Variants in KLF12 observed in about 807,000 individuals in gnomAD.
KLF12 encodes the protein KLF transcription factor 12, also known as Krueppel-like factor 12.
KLF12 carries 9 observed loss-of-function variants against 37.8 expected under a neutral mutation model. The observed-to-expected ratio is 0.24, with a 90% CI of 0.14 to 0.42. KLF12 has a LOEUF of 0.42. KLF12 is among the 10% of genes least tolerant of loss of function. The pLI, the probability that KLF12 is intolerant of heterozygous loss-of-function variation, is 1.00. For missense variants in KLF12, 411 were observed against 516.0 expected, an observed-to-expected ratio of 0.80 and a Z score of 1.97; for synonymous variants, 208 against 202.1, an observed-to-expected ratio of 1.03 and a Z score of -0.25.
chr13:73,694,221 G>T lies in KLF12; in HGVS notation c.*1269C>A, dbSNP rs974916416. ...TCCAAGGAGAACTGACCCATTAACCGAAGAGTTAATTCCCGGCTATGCCTC... is the reference window on the plus strand; with the variant it reads ...TCCAAGGAGAACTGACCCATTAACCTAAGAGTTAATTCCCGGCTATGCCTC... On this transcript the variant is annotated 3_prime_UTR_variant, in exon 8 of 8. Transcript: ENST00000377669. 1 of 152,502 alleles carries T rather than the reference G, an allele frequency of 6.6e-6. No homozygotes were observed. The highest frequency in any genetic ancestry group is 1.5e-5 in the Non-Finnish European group (1 of 68,028). 9.4% of individuals were successfully genotyped at this position (152,502 alleles called of 1,614,324 possible).
chr13:73,939,576 T>C (rs969887637), intron 3 of KLF12, among the ~76,000 whole-genome samples: 14 of 152,312 alleles, frequency 9.2e-5, no homozygotes, highest in Middle Eastern at 3.4e-3. Context: ...AACATAGATG[T>C]TGAAATCTCT....
Position 73,725,457 on chromosome 13 carries a change from T to G in KLF12, c.870-9932A>C, listed in dbSNP as rs186059598. Reference sequence around the variant, plus strand: ...TTTTCTGAACTAAGGAAACTTATAATGATAAACAAGAAAACAAAAACAAAA... The same window carrying G: ...TTTTCTGAACTAAGGAAACTTATAAGGATAAACAAGAAAACAAAAACAAAA... On this transcript the variant is annotated intron_variant, in intron 6 of 7. Coordinates refer to ENST00000377669, the MANE Select transcript of KLF12 (RefSeq NM_007249.5). Among the ~76,000 whole-genome samples the G allele has an allele frequency of 2.6e-5, 4 of 152,242 alleles. No individual in the cohort carries two copies. In the East Asian group the frequency reaches 7.7e-4, roughly 29 times the overall value.
chr13:74,087,514 G>T (rs887550440), intron 1 of KLF12, among the ~76,000 whole-genome samples: 1 of 152,094 alleles, frequency 6.6e-6, no homozygotes, highest in Admixed American at 6.5e-5. Context: ...AACGTCTGCT[G>T]AATACCTCTC....
chr13:74,055,889 T>G (rs1419793922), intron 1 of KLF12, among the ~76,000 whole-genome samples: 1 of 152,048 alleles, frequency 6.6e-6, no homozygotes, highest in Non-Finnish European at 1.5e-5. Flanking sequence ...GATAATGATA[T>G]CAAAACAACC....
At chr13:73,999,752 A>C (rs1892223644) in intron 1 of KLF12, among the ~76,000 whole-genome samples, 1 of 151,942 alleles carries the variant, frequency 6.6e-6, no homozygotes, top group African/African-American at 2.4e-5. Context: ...AAAAACAAAA[A>C]CAAAAACAAA....
chr13:74,178,327 GT>G, the KLF12 span, among the ~76,000 whole-genome samples: 1 of 150,464 alleles, frequency 6.6e-6, no homozygotes, highest in African/African-American at 2.5e-5. Context: ...CAAGGTTTTT[GT>G]TTGTTTGTTT....
chr13:74,076,845 GT>G (rs1373621955), intron 1 of KLF12, among the ~76,000 whole-genome samples: 7 of 151,976 alleles, frequency 4.6e-5, no homozygotes, highest in Admixed American at 1.3e-4. Flanking sequence ...CCTTCTTTGT[GT>G]TCATGTGTTT....
At chr13:74,260,669 G>A in the KLF12 span, among the ~76,000 whole-genome samples, 1 of 150,488 alleles carries the variant, frequency 6.6e-6, no homozygotes, top group Non-Finnish European at 1.5e-5. Flanking sequence ...AATAAAATTG[G>A]GCTTCAAATG....
At chr13:74,252,228 C>T in the KLF12 span, among the ~76,000 whole-genome samples, 1,550 of 152,280 alleles carry the variant, frequency 0.01, 29 homozygotes, top group African/African-American at 0.034. Context: ...CTGGTTGCTG[C>T]GCTTCACCTT....
intron 4 of KLF12, among the ~76,000 whole-genome samples, chr13:73,833,257 C>T (rs1298985998): frequency 6.6e-6 from 1 of 152,214 alleles, no homozygotes. Flanking sequence ...AATTTTCATA[C>T]AGCAATATCT....
intron 6 of KLF12, among the ~76,000 whole-genome samples, chr13:73,718,123 T>A (rs1374374124): frequency 6.6e-6 from 1 of 152,228 alleles, no homozygotes; most frequent in Non-Finnish European, 1.5e-5. Flanking sequence ...GAAGTCTAAA[T>A]GTAACTATGC....
chr13:73,794,926 T>C (rs1016600200), intron 5 of KLF12, among the ~76,000 whole-genome samples: 1 of 152,210 alleles, frequency 6.6e-6, no homozygotes, highest in African/African-American at 2.4e-5. Flanking sequence ...CCACATGGGA[T>C]ATCTGACCCT....
At chr13:73,934,411 C>A (rs1448394766) in intron 3 of KLF12, among the ~76,000 whole-genome samples, 5 of 152,152 alleles carry the variant, frequency 3.3e-5, no homozygotes, top group Non-Finnish European at 7.3e-5. Context: ...CTCCACCATG[C>A]ATTGTTATAT....
At chr13:73,884,006 GC>G (rs1422776200) in intron 3 of KLF12, among the ~76,000 whole-genome samples, 2 of 152,094 alleles carry the variant, frequency 1.3e-5, no homozygotes, top group East Asian at 3.9e-4. Flanking sequence ...CGAATTTAAC[GC>G]AGTTGGGAAA....
At chr13:73,958,475 TA>T (rs1245129420) in intron 2 of KLF12, among the ~76,000 whole-genome samples, 1 of 152,084 alleles carries the variant, frequency 6.6e-6, no homozygotes, top group Non-Finnish European at 1.5e-5. Flanking sequence ...ACTCCTGACA[TA>T]AGGTGATCTG....
At chr13:73,725,855 ATTTATT>A (rs1876623123) in intron 6 of KLF12, among the ~76,000 whole-genome samples, 1 of 149,674 alleles carries the variant, frequency 6.7e-6, no homozygotes, top group Admixed American at 6.7e-5. Context: ...TTATTTATTT[ATTTATT>A]TATTTATTTA....
intron 1 of KLF12, among the ~76,000 whole-genome samples, chr13:74,025,408 G>A (rs1593839282): frequency 6.6e-6 from 1 of 152,002 alleles, no homozygotes. Context: ...AAGGGAAGAA[G>A]TCTCTGTTGC....
intron 1 of KLF12, among the ~76,000 whole-genome samples, chr13:74,028,150 G>A (rs1364771699): frequency 2.0e-5 from 3 of 152,110 alleles, no homozygotes; most frequent in Admixed American, 1.3e-4. Flanking sequence ...TCAAAAGCAC[G>A]TTGATAGTCT....
At chr13:74,097,621 A>G (rs566773064) in intron 1 of KLF12, among the ~76,000 whole-genome samples, 9 of 152,148 alleles carry the variant, frequency 5.9e-5, no homozygotes, top group African/African-American at 1.9e-4. Flanking sequence ...CCATCATCTC[A>G]ATATTTTAAA....
Sources: allele counts gnomAD v4.1 joint callset (sites outside exome capture counted in the v4.1 genomes callset), GRCh38; gene constraint gnomAD v4.1.1; transcripts MANE v1.5; gene names NCBI Gene and HGNC (gene_info 2026-07-23, HGNC 2026-07-21).